RBPMS2: variants seen among roughly 807,000 people sequenced by gnomAD.
The protein encoded by RBPMS2 is RNA binding protein, mRNA processing factor 2, also known as RNA-binding protein with multiple splicing 2.
RBPMS2 carries 14 observed loss-of-function variants against 25.7 expected under a neutral mutation model. The observed-to-expected ratio is 0.55, with a 90% CI of 0.36 to 0.85. RBPMS2 has a LOEUF of 0.85. Ranked by LOEUF, RBPMS2 falls within the 40% of genes least tolerant of loss-of-function variation. The pLI, the probability that RBPMS2 is intolerant of heterozygous loss-of-function variation, is 0.01. For synonymous variants in RBPMS2, 127 were observed against 115.6 expected (o/e 1.10, Z -0.63); for missense variants, 252 against 283.4 (o/e 0.89, Z 0.80).
chr15:64,774,761 G>T (rs935317431), intron 1 of RBPMS2, among the ~76,000 whole-genome samples: 1 of 79,732 alleles, frequency 1.3e-5, no homozygotes, highest in East Asian at 3.7e-4. Context: ...CCAAGGTCAC[G>T]GGGAGGGGGT....
intron 1 of RBPMS2, among the ~76,000 whole-genome samples, chr15:64,774,370 CCTATT>C (rs758244716): frequency 2.0e-4 from 30 of 152,178 alleles, no homozygotes; most frequent in South Asian, 6.2e-4. Flanking sequence ...GCTCCTCGTC[CCTATT>C]CACTGATATC....
chr15:64,749,918 A>T (rs2083659716), intron 3 of RBPMS2, among the ~76,000 whole-genome samples: 1 of 152,230 alleles, frequency 6.6e-6, no homozygotes, highest in Non-Finnish European at 1.5e-5. Context: ...AAACTGCTCC[A>T]ACTTCATTTT....
intron 1 of RBPMS2, among the ~76,000 whole-genome samples, chr15:64,758,855 G>T (rs1421208329): frequency 3.9e-5 from 6 of 152,210 alleles, no homozygotes; most frequent in Non-Finnish European, 8.8e-5. Flanking sequence ...GGGGAGAAGG[G>T]CCTGTGTGTT....
chr15:64,748,777 C>T (rs114478574), intron 5 of RBPMS2, among the ~76,000 whole-genome samples: 10 of 152,040 alleles, frequency 6.6e-5, no homozygotes, highest in African/African-American at 9.7e-5. Flanking sequence ...GGCCTCAGCT[C>T]GTCTCAAATG....
chr15:64,774,731 G>GAGCCGGCCGGCC (rs768693841), intron 1 of RBPMS2, among the ~76,000 whole-genome samples: 1 of 6,820 alleles, frequency 1.5e-4, no homozygotes, highest in African/African-American at 2.7e-4. Flanking sequence ...AGGAACCGAG[G>GAGCCGGCCGGCC]AGCCGGCCGG....
chr15:64,760,235 G>A (rs751641206), intron 1 of RBPMS2, among the ~76,000 whole-genome samples: 12 of 152,164 alleles, frequency 7.9e-5, no homozygotes, highest in African/African-American at 1.9e-4. Context: ...ACATGGGGTC[G>A]GCCAGGAGCC....
At chr15:64,760,245 C>T (rs968675304) in intron 1 of RBPMS2, among the ~76,000 whole-genome samples, 3 of 152,190 alleles carry the variant, frequency 2.0e-5, no homozygotes, top group Admixed American at 2.0e-4. Flanking sequence ...GGCCAGGAGC[C>T]ACGACCATGG....
intron 2 of RBPMS2, 116 bp from the exon 3 acceptor site, chr15:64,750,497 T>C (rs1014878574): frequency 5.6e-6 from 5 of 899,562 alleles, no homozygotes; most frequent in African/African-American, 4.9e-5. Flanking sequence ...CCCTTCTCCC[T>C]GTCAACATCA....
chr15:64,750,224 A>C, intron 3 of RBPMS2, 119 bp downstream of exon 3: 1 of 884,882 alleles, frequency 1.1e-6, no homozygotes, highest in Middle Eastern at 2.2e-4. Flanking sequence ...ACAGGACAAC[A>C]GGGAGCGCAA....
chr15:64,743,402 A>G (rs2083582469), intron 6 of RBPMS2, among the ~76,000 whole-genome samples: 1 of 152,278 alleles, frequency 6.6e-6, no homozygotes, highest in South Asian at 2.1e-4. Flanking sequence ...AGTGGAGGAA[A>G]GCTCCCATAT....
At chr15:64,754,589 C>A (rs924622135) in intron 1 of RBPMS2, among the ~76,000 whole-genome samples, 2 of 150,364 alleles carry the variant, frequency 1.3e-5, no homozygotes, top group African/African-American at 2.5e-5. Flanking sequence ...CCAGCCTGGG[C>A]AACAAGAGCA....
Position 64,749,022 on chromosome 15 carries a change from T to G in RBPMS2, c.396A>C (p.Ala132=), listed in dbSNP as rs773373976. The G allele has an allele frequency of 6.2e-7, 1 of 1,614,202 alleles. No individual in the cohort carries two copies. Among genetic ancestry groups the G allele is most frequent in the Non-Finnish European group, 8.5e-7 (1 of 1,180,014 alleles). ...NPSNVHPALG[A]HFIARDPYDL... ...CACAGGGGTCCCGTGCGATGAAGTG[T>G]GCTCCTAGGGCGGGGTGCACGTTGC... is the stretch of plus-strand genomic sequence containing the variant. Residue 132 remains alanine, a synonymous_variant, in exon 5 of 8, where the codon GCA becomes GCC. Transcript: ENST00000300069.
At chr15:64,773,747 C>CCCAGTTT (rs565935438) in intron 1 of RBPMS2, among the ~76,000 whole-genome samples, 136 of 152,088 alleles carry the variant, frequency 8.9e-4, no homozygotes, top group African/African-American at 3.2e-3. Flanking sequence ...CATGCTCTCC[C>CCCAGTTT]CCAGTTTCAG....
intron 6 of RBPMS2, among the ~76,000 whole-genome samples, chr15:64,743,811 G>C (rs1203916949): frequency 6.6e-6 from 1 of 152,100 alleles, no homozygotes; most frequent in Non-Finnish European, 1.5e-5. Context: ...ACCTACATAA[G>C]AATAAATATA....
intron 1 of RBPMS2, among the ~76,000 whole-genome samples, chr15:64,757,819 A>C (rs1202151759): frequency 2.9e-5 from 4 of 139,006 alleles, no homozygotes; most frequent in South Asian, 2.3e-4. Context: ...ATCCCCCCCC[A>C]CAAAAAATCA....
intron 1 of RBPMS2, among the ~76,000 whole-genome samples, chr15:64,755,703 G>T (rs2083726485): frequency 6.6e-6 from 1 of 152,168 alleles, no homozygotes; most frequent in African/African-American, 2.4e-5. Context: ...CCAGAGTGAG[G>T]AGGGCAGAAA....
intron 1 of RBPMS2, among the ~76,000 whole-genome samples, chr15:64,756,195 G>A (rs929909537): frequency 2.6e-5 from 4 of 152,300 alleles, no homozygotes; most frequent in South Asian, 4.1e-4. Context: ...GACCAGATAC[G>A]ATCCAGCATG....
At chr15:64,750,519 C>T (rs1382084816) in intron 2 of RBPMS2, 138 bp from the exon 3 acceptor site, 2 of 765,162 alleles carry the variant, frequency 2.6e-6, no homozygotes, top group Non-Finnish European at 4.6e-6. Context: ...CCCACCCTGA[C>T]CTCCGCCACT....
intron 1 of RBPMS2, among the ~76,000 whole-genome samples, chr15:64,771,069 C>CA (rs1451094171): frequency 6.6e-6 from 1 of 152,294 alleles, no homozygotes; most frequent in Admixed American, 6.5e-5. Flanking sequence ...ATTAAGCTGG[C>CA]AAAAACTTTT....
Sources: allele counts gnomAD v4.1 joint callset (sites outside exome capture counted in the v4.1 genomes callset), GRCh38; gene constraint gnomAD v4.1.1; transcripts MANE v1.5; gene names NCBI Gene and HGNC (gene_info 2026-07-23, HGNC 2026-07-21).